TRIP12: variants seen among roughly 807,000 people sequenced by gnomAD.
TRIP12 encodes thyroid hormone receptor interactor 12.
Under a neutral mutation model 244.2 loss-of-function variants are expected in TRIP12, and 25 were observed. That is an observed-to-expected ratio of 0.10 (90% confidence interval 0.07 to 0.14). TRIP12 has a LOEUF of 0.14. Among genes scored for constraint, TRIP12 ranks in the 10% least tolerant of loss-of-function variants. The pLI is 1.00. For synonymous variants in TRIP12, 905 were observed against 873.1 expected (o/e 1.04, Z -0.64); for missense variants, 1,677 against 2,486.4 (o/e 0.67, Z 6.92).
intron 21 of TRIP12, among the ~76,000 whole-genome samples, chr2:229,801,614 A>G (rs1370995725): frequency 6.6e-6 from 1 of 152,264 alleles, no homozygotes; most frequent in African/African-American, 2.4e-5. Context: ...AAACACTTTT[A>G]GAGTGTGATT....
At chr2:229,893,800 C>T (rs2068005140) in intron 1 of TRIP12, among the ~76,000 whole-genome samples, 1 of 152,134 alleles carries the variant, frequency 6.6e-6, no homozygotes, top group African/African-American at 2.4e-5. Context: ...GCAGAATTAA[C>T]TAAGAGTAGA....
At chr2:229,921,418 T>G (rs912358196) in intron 1 of TRIP12, 1 of 152,352 alleles carries the variant, frequency 6.6e-6, no homozygotes, top group Non-Finnish European at 1.5e-5. Context: ...CTCGTCCCAT[T>G]TCCGGGGAAC....
chr2:229,779,071 CT>C, intron 34 of TRIP12, 81 bp from the exon 35 acceptor site: 1 of 1,077,360 alleles, frequency 9.3e-7, no homozygotes, highest in Non-Finnish European at 1.4e-6. Context: ...AATGTGCACA[CT>C]AACAGCAACT....
chr2:229,859,020 G>C lies in TRIP12; in HGVS notation c.779C>G (p.Pro260Arg). The change falls in exon 4 of 42, where the codon CCA becomes CGA. Residue 260 changes from proline to arginine, a missense_variant. Coordinates refer to ENST00000675903, the MANE Select transcript of TRIP12 (RefSeq NM_001348323.3). Reference sequence around the variant, plus strand: ...TTTTCCTTGTTTCACTCTGGCACCTGGTGGTACAGTGGAGGAGGCCGAGGC... The same window carrying C: ...TTTTCCTTGTTTCACTCTGGCACCTCGTGGTACAGTGGAGGAGGCCGAGGC... ...AVASASSTVP[P>R]GARVKQGKDQ... 2 of 1,614,188 alleles carry C rather than the reference G, an allele frequency of 1.2e-6. No individual in the cohort carries two copies. The highest frequency in any genetic ancestry group is 1.7e-6 in the Non-Finnish European group (2 of 1,180,038).
intron 5 of TRIP12, among the ~76,000 whole-genome samples, chr2:229,839,610 C>A (rs1289607458): frequency 6.6e-6 from 1 of 150,758 alleles, no homozygotes; most frequent in Non-Finnish European, 1.5e-5. Context: ...ACCCGGGAGG[C>A]AGAGTTTGCA....
intron 1 of TRIP12, among the ~76,000 whole-genome samples, chr2:229,907,924 T>C (rs1197546157): frequency 6.6e-6 from 1 of 152,102 alleles, no homozygotes; most frequent in Non-Finnish European, 1.5e-5. Context: ...AATCAGGATA[T>C]ATATACTATT....
chr2:229,855,143 TATA>T (rs920261851), intron 4 of TRIP12, among the ~76,000 whole-genome samples: 2 of 152,142 alleles, frequency 1.3e-5, no homozygotes, highest in Non-Finnish European at 2.9e-5. Context: ...GGCGCGTGCC[TATA>T]ATCCCAGTTA....
chr2:229,908,858 G>T (rs148285541), intron 1 of TRIP12, among the ~76,000 whole-genome samples: 1 of 152,002 alleles, frequency 6.6e-6, no homozygotes, highest in Non-Finnish European at 1.5e-5. Context: ...CTGGGAGGCC[G>T]AGGCGGGCAG....
chr2:229,830,452 C>A (rs866022161), intron 7 of TRIP12, among the ~76,000 whole-genome samples: 2 of 152,108 alleles, frequency 1.3e-5, no homozygotes, highest in Non-Finnish European at 2.9e-5. Context: ...TTAAGGTACC[C>A]ATTTTTCAAG....
intron 26 of TRIP12, among the ~76,000 whole-genome samples, chr2:229,793,783 A>G (rs945997532): frequency 6.6e-6 from 1 of 152,198 alleles, no homozygotes; most frequent in Non-Finnish European, 1.5e-5. Context: ...CACAGGCCAC[A>G]TGCAGCCCAG....
At position 229,798,877 on chromosome 2, in the gene TRIP12, A is replaced by G. The variant is rs201166959; in HGVS notation, c.3480T>C (p.Asn1160=). 62 of 1,612,188 alleles carry G rather than the reference A, an allele frequency of 3.8e-5. No individual in the cohort carries two copies. Among genetic ancestry groups the G allele is most frequent in the Admixed American group, 8.4e-5 (5 of 59,594 alleles). Residue 1160 remains asparagine, a splice_region_variant and synonymous_variant, in exon 23 of 42, where the codon AAT becomes AAC. Transcript: ENST00000675903. ...RAASKDTISN[N]REKIKGWIKE... ...ACATAAAACTCCCCCCACTTCACCTATTATTGGAGATGGTATCCTTTGAGG... is the reference window on the plus strand; with the variant it reads ...ACATAAAACTCCCCCCACTTCACCTGTTATTGGAGATGGTATCCTTTGAGG...
At chr2:229,840,797 C>G in intron 5 of TRIP12, 25 bp downstream of exon 5, 1 of 1,407,644 alleles carries the variant, frequency 7.1e-7, no homozygotes, top group Non-Finnish European at 9.7e-7. Context: ...AATGAACTCA[C>G]TATAAAAAAA....
intron 1 of TRIP12, among the ~76,000 whole-genome samples, chr2:229,919,315 C>A (rs1322650971): frequency 1.3e-5 from 2 of 151,968 alleles, no homozygotes; most frequent in African/African-American, 2.4e-5. Flanking sequence ...ACTCAGGAGG[C>A]TGAGGCAGGA....
At chr2:229,882,542 A>C (rs1448485180) in intron 1 of TRIP12, among the ~76,000 whole-genome samples, 1 of 152,148 alleles carries the variant, frequency 6.6e-6, no homozygotes, top group Admixed American at 6.6e-5. Context: ...CAAAGAATAA[A>C]AGGCCAGTCT....
chr2:229,764,536 ACT>A lies in TRIP12; in HGVS notation c.*3016_*3017del, dbSNP rs2031222895. 6.6e-6 allele frequency: 1 copy of A among 152,142 alleles called. No homozygotes were observed. The highest frequency in any genetic ancestry group is 1.5e-5 in the Non-Finnish European group (1 of 68,026). 9.4% of individuals were successfully genotyped at this position (152,142 alleles called of 1,614,324 possible). On this transcript the variant is annotated 3_prime_UTR_variant, in exon 42 of 42. Transcript: ENST00000675903. ...ACATTTTTTTTTTGGAATAGACTCC[ACT>A]CTCATTTCCTGAGCTCACGCTCACA...
At chr2:229,813,824 T>C in intron 13 of TRIP12, 46 bp downstream of exon 13, 1 of 1,302,592 alleles carries the variant, frequency 7.7e-7, no homozygotes, top group Non-Finnish European at 1.0e-6. Context: ...TTAAAAAAAT[T>C]AGTAATAAAA....
chr2:229,807,259 T>G, intron 17 of TRIP12: 1 of 186,664 alleles, frequency 5.4e-6, no homozygotes. Context: ...CAAGCCTACG[T>G]GTATCACAAT....
chr2:229,791,408 TCACCTAGAGAC>T (rs1450262608), intron 29 of TRIP12, among the ~76,000 whole-genome samples, 157 bp from the exon 30 acceptor site: 1 of 152,198 alleles, frequency 6.6e-6, no homozygotes, highest in Non-Finnish European at 1.5e-5. Context: ...TTAGAAGAGA[TCACCTAGAGAC>T]CACCTTCCCA....
In TRIP12 at chr2:229,859,315, G is replaced by C. The variant is rs1359810872; in HGVS notation, c.484C>G (p.Gln162Glu). 6.2e-7 allele frequency: 1 copy of C among 1,614,084 alleles called. No homozygotes were observed. Among genetic ancestry groups the C allele is most frequent in the Non-Finnish European group, 8.5e-7 (1 of 1,180,050 alleles). ...KSKKRHLDQEQQLKSAQSPST... is the reference protein window; with the variant it reads ...KSKKRHLDQEEQLKSAQSPST... ...GGTGATTGTGCAGATTTCAGTTGTT[G>C]CTCCTGGTCTAAATGTCTCTTCTTT... Residue 162 changes from glutamine (Q) to glutamate (E), a missense_variant, in exon 4 of 42, where the codon CAA (glutamine) becomes GAA (glutamate). Gln to Glu is a conservative substitution (Grantham distance 29). Around this residue, in one of 11 missense-constraint regions of TRIP12, gnomAD observed 387 missense variants for 392.6 expected, o/e 0.99. Transcript: ENST00000675903.
Sources: allele counts gnomAD v4.1 joint callset (sites outside exome capture counted in the v4.1 genomes callset), GRCh38; gene constraint gnomAD v4.1.1; regional missense constraint gnomAD v4.1.1; transcripts MANE v1.5; gene names NCBI Gene and HGNC (gene_info 2026-07-23, HGNC 2026-07-21).